Variants in ACYP2 observed in about 807,000 individuals in gnomAD.
The protein encoded by ACYP2 is acylphosphatase 2, also known as acylphosphatase-2.
A neutral mutation model predicts 11.2 loss-of-function variants in ACYP2; 12 were observed. The observed-to-expected ratio is 1.08, with a 90% CI of 0.69 to 1.74. The LOEUF is 1.74. Ranked by LOEUF, ACYP2 falls within the 40% of genes most tolerant of loss-of-function variation. ACYP2 has a pLI of 0.00. For missense variants in ACYP2, 134 were observed against 101.9 expected (o/e 1.31, Z -1.35); for synonymous variants, 43 against 32.2 (o/e 1.33, Z -1.13).
intron 4 of ACYP2, among the ~76,000 whole-genome samples, chr2:54,118,226 G>A (rs111383259): frequency 3.3e-5 from 5 of 152,124 alleles, no homozygotes; most frequent in South Asian, 4.2e-4. Context: ...TGAACCCAGC[G>A]GTATGTTATC....
intron 6 of ACYP2, among the ~76,000 whole-genome samples, chr2:54,203,474 T>C (rs1684941002): frequency 6.6e-6 from 1 of 152,204 alleles, no homozygotes; most frequent in Non-Finnish European, 1.5e-5. Flanking sequence ...CTTGCCTAAT[T>C]GCTCTGGCTA....
chr2:54,256,411 C>G, intron 6 of ACYP2: 1 of 475,598 alleles, frequency 2.1e-6, no homozygotes, highest in Non-Finnish European at 3.8e-6. Context: ...TGCATTTAGC[C>G]AAAGTCTAAT....
At chr2:54,226,431 A>G (rs1430878731) in intron 6 of ACYP2, among the ~76,000 whole-genome samples, 1 of 152,142 alleles carries the variant, frequency 6.6e-6, no homozygotes, top group African/African-American at 2.4e-5. Flanking sequence ...CAAAGAATTT[A>G]CAGTACAGAA....
intron 6 of ACYP2, chr2:54,255,021 T>C (rs772311171): frequency 9.3e-6 from 15 of 1,613,838 alleles, no homozygotes; most frequent in Non-Finnish European, 1.3e-5. Context: ...AGTACTGCAG[T>C]GGATTTGACC....
intron 2 of ACYP2, among the ~76,000 whole-genome samples, chr2:53,990,372 G>A (rs1672229785): frequency 6.6e-6 from 1 of 151,990 alleles, no homozygotes; most frequent in Admixed American, 6.6e-5. Flanking sequence ...ATCCTAGCTG[G>A]GAGCTGTGGC....
chr2:54,033,645 G>T (rs1674714497), intron 2 of ACYP2, among the ~76,000 whole-genome samples: 1 of 152,190 alleles, frequency 6.6e-6, no homozygotes, highest in African/African-American at 2.4e-5. Context: ...TGGAGCCCCT[G>T]AAAGCTTTCA....
chr2:53,990,789 TTTTTTTGTTTTG>T (rs1338891871), intron 2 of ACYP2, among the ~76,000 whole-genome samples: 1 of 152,090 alleles, frequency 6.6e-6, no homozygotes, highest in Non-Finnish European at 1.5e-5. Context: ...ATTTGCGTTT[TTTTTTTGTTTTG>T]TTTTTTGTTT....
intron 6 of ACYP2, among the ~76,000 whole-genome samples, chr2:54,267,950 GAAATTCAAAT>G (rs1688111736): frequency 1.3e-5 from 2 of 152,286 alleles, no homozygotes; most frequent in South Asian, 2.1e-4. Context: ...GGTAGCTGTT[GAAATTCAAAT>G]AAATTCAAAT....
chr2:54,285,108 C>G (rs1689020676), intron 6 of ACYP2, among the ~76,000 whole-genome samples: 1 of 152,206 alleles, frequency 6.6e-6, no homozygotes, highest in Non-Finnish European at 1.5e-5. Flanking sequence ...CAGCTGTGCC[C>G]TCATATGGTG....
intron 6 of ACYP2, among the ~76,000 whole-genome samples, chr2:54,145,108 C>G (rs1490316528): frequency 2.0e-5 from 3 of 152,092 alleles, no homozygotes; most frequent in African/African-American, 7.2e-5. Context: ...TGAACTAATA[C>G]TGTAACTAAT....
At chr2:54,000,222 A>C (rs1672740992) in intron 2 of ACYP2, among the ~76,000 whole-genome samples, 1 of 151,878 alleles carries the variant, frequency 6.6e-6, no homozygotes, top group Admixed American at 6.6e-5. Flanking sequence ...ACACCCATCA[A>C]ATTTAGAAAA....
intron 6 of ACYP2, among the ~76,000 whole-genome samples, chr2:54,169,608 A>G (rs936959550): frequency 6.6e-6 from 1 of 152,084 alleles, no homozygotes; most frequent in Non-Finnish European, 1.5e-5. Context: ...TCTAGCTACT[A>G]CCTACCAGCC....
intron 4 of ACYP2, among the ~76,000 whole-genome samples, chr2:54,106,795 G>C (rs1357365865): frequency 1.3e-5 from 2 of 152,110 alleles, no homozygotes; most frequent in African/African-American, 4.8e-5. Context: ...GTGTTGGCCA[G>C]GCTGGTCTTG....
rs1177398957 is a variant in ACYP2 at position 54,304,222 on chromosome 2, G to C, written c.405-466G>C. On this transcript the variant is annotated intron_variant, in intron 6 of 6. Transcript: ENST00000607452. ...TCTCTTTCATTATATATATGTCTGTGTGTGTGTGTGTGTGTGTGTGTGTGT... is the reference window on the plus strand; with the variant it reads ...TCTCTTTCATTATATATATGTCTGTCTGTGTGTGTGTGTGTGTGTGTGTGT... 6.7e-5 allele frequency among the ~76,000 whole-genome samples: 4 copies of C among 59,910 alleles called. No homozygotes were observed. The East Asian group carries it at 8.9e-4, about 13-fold the overall frequency. The allele number at this position is 59,910 out of a possible 152,430, so 39.3% of individuals were successfully genotyped here.
chr2:54,017,579 A>G (rs1052978721), intron 2 of ACYP2, among the ~76,000 whole-genome samples: 1 of 152,082 alleles, frequency 6.6e-6, no homozygotes, highest in African/African-American at 2.4e-5. Flanking sequence ...CAACATATGA[A>G]TTTTGGAAAA....
chr2:54,108,243 A>G (rs893911516), intron 4 of ACYP2, among the ~76,000 whole-genome samples: 2 of 152,214 alleles, frequency 1.3e-5, no homozygotes, highest in Non-Finnish European at 2.9e-5. Context: ...GAGGAATCTT[A>G]ATTGCAAGAA....
At chr2:54,014,092 A>T (rs1262425288) in intron 2 of ACYP2, among the ~76,000 whole-genome samples, 1 of 152,034 alleles carries the variant, frequency 6.6e-6, no homozygotes, top group African/African-American at 2.4e-5. Context: ...TGGGAGGCGG[A>T]AATTGCAGTG....
intron 6 of ACYP2, among the ~76,000 whole-genome samples, chr2:54,152,982 C>G (rs1682251326): frequency 6.6e-6 from 1 of 151,930 alleles, no homozygotes; most frequent in Non-Finnish European, 1.5e-5. Flanking sequence ...CAAGTTTTGT[C>G]AATTATGAGA....
intron 6 of ACYP2, among the ~76,000 whole-genome samples, chr2:54,191,267 C>T (rs902153043): frequency 2.6e-5 from 4 of 152,188 alleles, no homozygotes; most frequent in East Asian, 1.9e-4. Flanking sequence ...CCCTGCTCTC[C>T]GCCGTACCAT....
Sources: gnomAD v4.1 joint callset for allele counts (sites outside exome capture counted in the v4.1 genomes callset) on GRCh38, gnomAD v4.1.1 for gene constraint, MANE v1.5 for transcripts, NCBI Gene and HGNC (gene_info 2026-07-23, HGNC 2026-07-21) for gene names.